HEMK2: variants seen among roughly 807,000 people sequenced by gnomAD.
The protein encoded by HEMK2 is HemK methyltransferase 2, ETF1 glutamine and histone H4 lysine.
At chr21:28,624,277 A>G in the HEMK2 span, among the ~76,000 whole-genome samples, 2 of 152,192 alleles carry the variant, frequency 1.3e-5, no homozygotes, top group Non-Finnish European at 2.9e-5. Flanking sequence ...CACATCCACT[A>G]TGGGAATTTT....
chr21:28,879,230 G>A, the HEMK2 span, among the ~76,000 whole-genome samples: 11 of 151,850 alleles, frequency 7.2e-5, no homozygotes, highest in Middle Eastern at 3.4e-3. Context: ...GACTACAGGC[G>A]CAAGCCACCA....
the HEMK2 span, among the ~76,000 whole-genome samples, chr21:28,674,087 G>A: frequency 1.3e-5 from 2 of 152,146 alleles, no homozygotes; most frequent in African/African-American, 4.8e-5. Context: ...CTGCAGTAAA[G>A]AAGCCGGCCA....
At chr21:28,847,136 C>A in the HEMK2 span, among the ~76,000 whole-genome samples, 1 of 152,050 alleles carries the variant, frequency 6.6e-6, no homozygotes, top group Admixed American at 6.5e-5. Context: ...ATTTATATTA[C>A]TTTAGGTATA....
chr21:28,839,008 TATAC>T, the HEMK2 span, among the ~76,000 whole-genome samples: 1,952 of 72,528 alleles, frequency 0.027, 87 homozygotes, highest in African/African-American at 0.091. Flanking sequence ...TATACATATA[TATAC>T]ACAATCTGCC....
At chr21:28,603,628 T>C in the HEMK2 span, among the ~76,000 whole-genome samples, 1 of 149,040 alleles carries the variant, frequency 6.7e-6, no homozygotes, top group African/African-American at 2.5e-5. Flanking sequence ...CATAAAACCT[T>C]TGAATGCTCT....
the HEMK2 span, among the ~76,000 whole-genome samples, chr21:28,707,862 T>C: frequency 6.6e-6 from 1 of 152,278 alleles, no homozygotes; most frequent in Non-Finnish European, 1.5e-5. Context: ...ACCTTGAATA[T>C]ATACAATCTT....
chr21:28,761,592 T>C, the HEMK2 span, among the ~76,000 whole-genome samples: 2 of 148,998 alleles, frequency 1.3e-5, no homozygotes, highest in African/African-American at 5.1e-5. Flanking sequence ...CTATCTGCTC[T>C]ACAAAGCTTT....
chr21:28,660,271 T>C, the HEMK2 span, among the ~76,000 whole-genome samples: 1 of 151,682 alleles, frequency 6.6e-6, no homozygotes, highest in Non-Finnish European at 1.5e-5. Context: ...ATCTTTATAG[T>C]TTTTACTTCT....
At chr21:28,617,738 T>C in the HEMK2 span, among the ~76,000 whole-genome samples, 1 of 151,792 alleles carries the variant, frequency 6.6e-6, no homozygotes, top group South Asian at 2.1e-4. Context: ...AACAGCAAAA[T>C]AAGAATGCTT....
At chr21:28,620,229 CTT>C in the HEMK2 span, among the ~76,000 whole-genome samples, 1 of 152,050 alleles carries the variant, frequency 6.6e-6, no homozygotes, top group Admixed American at 6.5e-5. Flanking sequence ...CTGAAATTTT[CTT>C]TTTTTGTTGT....
At chr21:28,746,510 C>T in the HEMK2 span, among the ~76,000 whole-genome samples, 7 of 151,816 alleles carry the variant, frequency 4.6e-5, no homozygotes, top group East Asian at 1.9e-4. Flanking sequence ...AGATGAGCAA[C>T]GGAAAATAAA....
the HEMK2 span, among the ~76,000 whole-genome samples, chr21:28,846,814 T>C: frequency 2.0e-5 from 3 of 152,148 alleles, no homozygotes; most frequent in Admixed American, 6.5e-5. Flanking sequence ...TAAGCTCCAG[T>C]GTCTGTTGTT....
chr21:28,881,324 T>C, the HEMK2 span, among the ~76,000 whole-genome samples: 3 of 152,206 alleles, frequency 2.0e-5, no homozygotes, highest in Admixed American at 6.5e-5. Context: ...ATGAGGCATT[T>C]TGAAGCCAAT....
the HEMK2 span, among the ~76,000 whole-genome samples, chr21:28,810,122 A>T: frequency 6.6e-6 from 1 of 152,116 alleles, no homozygotes; most frequent in East Asian, 1.9e-4. Context: ...GCTTCTCTCC[A>T]TTAAGCAGTA....
chr21:28,681,223 T>G, the HEMK2 span, among the ~76,000 whole-genome samples: 1 of 152,280 alleles, frequency 6.6e-6, no homozygotes, highest in African/African-American at 2.4e-5. Flanking sequence ...ACAAAATCAG[T>G]GTGAAAAATC....
At chr21:28,749,025 G>A in the HEMK2 span, among the ~76,000 whole-genome samples, 5 of 152,176 alleles carry the variant, frequency 3.3e-5, no homozygotes, top group Non-Finnish European at 5.9e-5. Flanking sequence ...TGGCTCCTTA[G>A]ATCCCCAGAA....
At chr21:28,715,364 T>A in the HEMK2 span, among the ~76,000 whole-genome samples, 2 of 152,142 alleles carry the variant, frequency 1.3e-5, no homozygotes, top group African/African-American at 2.4e-5. Flanking sequence ...TATCTCATTG[T>A]GGTTTTGATC....
At chr21:28,624,293 C>G in the HEMK2 span, among the ~76,000 whole-genome samples, 2 of 152,186 alleles carry the variant, frequency 1.3e-5, no homozygotes, top group East Asian at 3.8e-4. Context: ...ATTTTGAACG[C>G]TAAAGCAAAG....
the HEMK2 span, among the ~76,000 whole-genome samples, chr21:28,855,624 A>C: frequency 6.6e-6 from 1 of 152,220 alleles, no homozygotes; most frequent in Non-Finnish European, 1.5e-5. Flanking sequence ...AACAACTCTC[A>C]GCAAATTCAA....
Sources: gnomAD v4.1 joint callset for allele counts (sites outside exome capture counted in the v4.1 genomes callset) on GRCh38, gnomAD v4.1.1 for gene constraint, MANE v1.5 for transcripts, NCBI Gene and HGNC (gene_info 2026-07-23, HGNC 2026-07-21) for gene names.